AP1G1: variants seen among roughly 807,000 people sequenced by gnomAD.
AP1G1 encodes the protein AP-1 complex subunit gamma-1.
A neutral mutation model predicts 108.3 loss-of-function variants in AP1G1; 7 were observed. The ratio of observed to expected loss-of-function variants is 0.06; its 90% CI spans 0.04 to 0.12. The LOEUF is 0.12. Among genes scored for constraint, AP1G1 ranks in the 10% least tolerant of loss-of-function variants. The pLI is 1.00. For missense variants in AP1G1, 756 were observed against 1,010.7 expected (o/e 0.75, Z 3.42); for synonymous variants, 379 against 353.5 (o/e 1.07, Z -0.81).
At chr16:71,797,894 T>C (rs1196551176) in intron 1 of AP1G1, among the ~76,000 whole-genome samples, 2 of 151,814 alleles carry the variant, frequency 1.3e-5, no homozygotes, top group African/African-American at 2.4e-5. Context: ...ACAAGGAGAG[T>C]GGGGGAGTTG....
intron 1 of AP1G1, among the ~76,000 whole-genome samples, chr16:71,802,119 T>A (rs1326723013): frequency 1.3e-5 from 2 of 152,170 alleles, no homozygotes; most frequent in African/African-American, 4.8e-5. Context: ...AGCTAACTTA[T>A]ATAAATGATT....
chr16:71,759,927 A>T (rs2030998277), intron 10 of AP1G1, among the ~76,000 whole-genome samples: 1 of 152,010 alleles, frequency 6.6e-6, no homozygotes, highest in Non-Finnish European at 1.5e-5. Context: ...TTAACATGTG[A>T]GTTTTCTCTG....
At chr16:71,781,828 TTATC>T (rs2032029237) in intron 2 of AP1G1, among the ~76,000 whole-genome samples, 2 of 152,208 alleles carry the variant, frequency 1.3e-5, no homozygotes, top group African/African-American at 2.4e-5. Flanking sequence ...ACTGGAAAAT[TTATC>T]TAGGTTATAT....
intron 2 of AP1G1, among the ~76,000 whole-genome samples, chr16:71,780,855 G>T (rs1485441951): frequency 6.9e-6 from 1 of 145,904 alleles, no homozygotes; most frequent in Non-Finnish European, 1.5e-5. Flanking sequence ...GTCTCACTCT[G>T]TCGCCCAGGC....
intron 2 of AP1G1, among the ~76,000 whole-genome samples, chr16:71,787,318 C>CAAA (rs71153662): frequency 1.0e-5 from 1 of 96,910 alleles, no homozygotes; most frequent in African/African-American, 4.0e-5. Context: ...GACTCTGTCT[C>CAAA]AAAAAAAAAA....
intron 2 of AP1G1, among the ~76,000 whole-genome samples, chr16:71,788,727 G>A (rs1008833912): frequency 6.6e-6 from 1 of 151,098 alleles, no homozygotes; most frequent in African/African-American, 2.4e-5. Context: ...TGGTGCAATC[G>A]TAGCTCAATG....
intron 1 of AP1G1, among the ~76,000 whole-genome samples, chr16:71,793,542 T>C (rs1034645697): frequency 7.9e-5 from 12 of 151,996 alleles, no homozygotes; most frequent in African/African-American, 2.7e-4. Context: ...AACAAATAAA[T>C]AAAAACCTAT....
chr16:71,796,171 T>C (rs2032578645), intron 1 of AP1G1, among the ~76,000 whole-genome samples: 1 of 152,148 alleles, frequency 6.6e-6, no homozygotes, highest in Admixed American at 6.6e-5. Flanking sequence ...CCAAGGGGAC[T>C]TGGGTTGCAG....
chr16:71,736,752 ATTTT>A (rs10590605), intron 21 of AP1G1, among the ~76,000 whole-genome samples: 9 of 123,912 alleles, frequency 7.3e-5, no homozygotes, highest in Admixed American at 1.7e-4. Flanking sequence ...CGCCCGGCTA[ATTTT>A]TTTTTTTTTT....
chr16:71,750,963 T>C (rs1431437285), intron 13 of AP1G1, among the ~76,000 whole-genome samples: 17 of 151,444 alleles, frequency 1.1e-4, no homozygotes, highest in Admixed American at 1.1e-3. Flanking sequence ...GAGACCATCC[T>C]GGCTAACACG....
chr16:71,801,367 A>G (rs1284728592), intron 1 of AP1G1, among the ~76,000 whole-genome samples: 1 of 152,126 alleles, frequency 6.6e-6, no homozygotes, highest in Non-Finnish European at 1.5e-5. Context: ...AGAGTAATAT[A>G]AATAATATGA....
chr16:71,739,254 A>T lies in AP1G1; in HGVS notation c.2087T>A (p.Leu696His). The T allele has an allele frequency of 6.2e-7, 1 of 1,613,756 alleles. No homozygotes were observed. Among genetic ancestry groups the T allele is most frequent in the Non-Finnish European group, 8.5e-7 (1 of 1,179,866 alleles). Residue 696 changes from leucine to histidine, a missense_variant, in exon 20 of 23, where the codon CTC (leucine) becomes CAC (histidine). Around this residue, in one of 3 missense-constraint regions of AP1G1, gnomAD observed 95 missense variants for 160.5 expected, o/e 0.59. Coordinates refer to ENST00000299980, the MANE Select transcript of AP1G1 (RefSeq NM_001128.6). Reference protein sequence around the residue: ...FLLDGLSSQPLFNDIAAGIPS... With the variant: ...FLLDGLSSQPHFNDIAAGIPS... Reference sequence around the variant, plus strand: ...CGTACCTGCAGCAATATCATTGAAGAGAGGCTGTGATGAAAGCCCATCCAA... The same window carrying T: ...CGTACCTGCAGCAATATCATTGAAGTGAGGCTGTGATGAAAGCCCATCCAA...
At chr16:71,792,938 C>T (rs1222657068) in intron 1 of AP1G1, among the ~76,000 whole-genome samples, 2 of 151,768 alleles carry the variant, frequency 1.3e-5, no homozygotes, top group Admixed American at 6.6e-5. Context: ...GACACAGACC[C>T]GAGCAGATCG....
intron 1 of AP1G1, among the ~76,000 whole-genome samples, chr16:71,800,369 T>C (rs1414853551): frequency 1.0e-5 from 1 of 99,426 alleles, no homozygotes; most frequent in Admixed American, 1.1e-4. Context: ...AGACTCCCCA[T>C]CTCAAAAAAA....
At position 71,764,676 on chromosome 16, in the gene AP1G1, T is replaced by C; in HGVS notation, c.789A>G (p.Ser263=). ...LRILGRNDDD[S]SEAMNDILAQ... ...CTAATATATCATTCATAGCTTCACT[T>C]GAATCATCATCATTTCGTCCTAAAA... Residue 263 remains serine (S), a synonymous_variant, in exon 8 of 23, where the codon TCA becomes TCG. Transcript: ENST00000299980. The C allele has an allele frequency of 6.2e-7, 1 of 1,611,430 alleles. No individual in the cohort carries two copies.
In AP1G1 at chr16:71,753,876, G is replaced by A. The variant is rs1247899572; in HGVS notation, c.1241C>T (p.Ser414Phe). The change falls in exon 13 of 23, where the codon TCC (serine) becomes TTC (phenylalanine). Residue 414 changes from serine (S) to phenylalanine (F), a missense_variant. Physicochemically the swap from Ser to Phe is radical, Grantham distance 155 (BLOSUM62 -2). Around this residue, in one of 3 missense-constraint regions of AP1G1, gnomAD observed 357 missense variants for 366.5 expected, o/e 0.97. Coordinates refer to ENST00000299980, the MANE Select transcript of AP1G1 (RefSeq NM_001128.6). ...IFLAAEKYAP[S>F]KRWHIDTIMR... ...AATTGTGTCTATATGCCATCGTTTGGAAGGTGCATACCTGAAAAAAACAAT... is the reference window on the plus strand; with the variant it reads ...AATTGTGTCTATATGCCATCGTTTGAAAGGTGCATACCTGAAAAAAACAAT... 1.2e-6 allele frequency: 2 copies of A among 1,614,004 alleles called. No homozygotes were observed. The highest frequency in any genetic ancestry group is 1.3e-5 in the African/African-American group (1 of 75,022).
intron 21 of AP1G1, among the ~76,000 whole-genome samples, chr16:71,737,288 T>C (rs902676613): frequency 2.6e-5 from 4 of 152,118 alleles, no homozygotes; most frequent in Admixed American, 1.3e-4. Flanking sequence ...TCCCCTTTTT[T>C]TTCTTCTTTT....
rs2045487709 is a variant in AP1G1 at position 71,732,845 on chromosome 16, T to C, written c.*213A>G. 1 of 486,620 alleles carries C rather than the reference T, an allele frequency of 2.1e-6. No individual in the cohort carries two copies. 30.1% of individuals were successfully genotyped at this position (486,620 alleles called of 1,614,324 possible). On this transcript the variant is annotated 3_prime_UTR_variant, in exon 23 of 23. Coordinates refer to ENST00000299980, the MANE Select transcript of AP1G1 (RefSeq NM_001128.6). ...AGAAGAGGAAGAGTGCAAAGTAGCCTCCAGAAGCAGCCAGCCTCAACAGTG... is the reference window on the plus strand; with the variant it reads ...AGAAGAGGAAGAGTGCAAAGTAGCCCCCAGAAGCAGCCAGCCTCAACAGTG...
chr16:71,757,570 A>G (rs1365547012), intron 11 of AP1G1, among the ~76,000 whole-genome samples: 1 of 152,214 alleles, frequency 6.6e-6, no homozygotes, highest in Non-Finnish European at 1.5e-5. Flanking sequence ...ACATATATTA[A>G]TTCAATTTAT....
Sources: gnomAD v4.1 joint callset for allele counts (sites outside exome capture counted in the v4.1 genomes callset) on GRCh38, gnomAD v4.1.1 for gene constraint, gnomAD v4.1.1 regional missense constraint, MANE v1.5 for transcripts, NCBI Gene and HGNC (gene_info 2026-07-23, HGNC 2026-07-21) for gene names.